DDX60: variants seen among roughly 807,000 people sequenced by gnomAD.
DDX60 encodes the protein DExD/H-box helicase 60, also known as probable ATP-dependent RNA helicase DDX60.
Under a neutral mutation model 212.8 loss-of-function variants are expected in DDX60, and 165 were observed. That is an observed-to-expected ratio of 0.78 (90% CI 0.68 to 0.88). The LOEUF is 0.88. Among genes scored for constraint, DDX60 ranks in the 40% least tolerant of loss-of-function variants. DDX60 has a pLI of 0.00. For synonymous variants in DDX60, 703 were observed against 685.3 expected, an observed-to-expected ratio of 1.03 and a Z score of -0.40; for missense variants, 1,905 against 2,003.9, an observed-to-expected ratio of 0.95 and a Z score of 0.94.
chr4:168,295,744 G>A (rs1170952223), intron 6 of DDX60, among the ~76,000 whole-genome samples: 3 of 152,272 alleles, frequency 2.0e-5, no homozygotes, highest in South Asian at 2.1e-4. Context: ...CAATCAAGAC[G>A]TGGATCAACC....
At position 168,317,057 on chromosome 4, in the gene DDX60, C is replaced by CAAAAA. The variant is rs34647800; in HGVS notation, c.-107+1560_-107+1564dup. On this transcript the variant is annotated intron_variant, in intron 1 of 37. Coordinates refer to ENST00000393743, the MANE Select transcript of DDX60 (RefSeq NM_017631.6). ...TGGGCAAAAGAGCAAGACTCCGTCTCAAAAAAAAAAAAAAAAAAAGAAGAA... is the reference window on the plus strand; with the variant it reads ...TGGGCAAAAGAGCAAGACTCCGTCTCAAAAAAAAAAAAAAAAAAAAAAAAGAAGAA... 8.7e-3 allele frequency among the ~76,000 whole-genome samples: 435 copies of CAAAAA among 49,746 alleles called. 13 individuals are homozygous for CAAAAA. Among genetic ancestry groups the CAAAAA allele is most frequent in the African/African-American group, 0.04 (412 of 10,420 alleles). The allele number at this position is 49,746 out of a possible 152,430, so 32.6% of individuals were successfully genotyped here.
rs199717064 is a variant in DDX60 at position 168,306,660 on chromosome 4, G to T, written c.325C>A (p.Leu109Ile). The T allele has an allele frequency of 1.3e-4, 202 of 1,614,078 alleles. No individual in the cohort carries two copies. The highest frequency in any genetic ancestry group is 1.6e-4 in the Middle Eastern group (1 of 6,062). The change falls in exon 5 of 38, where the codon CTT becomes ATT. Residue 109 changes from leucine (L) to isoleucine (I), a missense_variant. Leu to Ile is a conservative substitution (Grantham distance 5). Coordinates refer to ENST00000393743, the MANE Select transcript of DDX60 (RefSeq NM_017631.6). ...ELLSLRTALI[L>I]HLQKNTTIDV... ...ATGGTGGTATTCTTCTGAAGATGAA[G>T]AATTAAAGCAGTTCTCAAAGAAAGA... is the stretch of plus-strand genomic sequence containing the variant.
chr4:168,295,673 C>A (rs1008062407), intron 6 of DDX60, among the ~76,000 whole-genome samples: 33 of 152,146 alleles, frequency 2.2e-4, no homozygotes, highest in African/African-American at 8.0e-4. Flanking sequence ...TGAAGTTTTT[C>A]TTTTAACAGT....
intron 28 of DDX60, among the ~76,000 whole-genome samples, chr4:168,249,148 C>G (rs1036532485): frequency 6.6e-6 from 1 of 152,098 alleles, no homozygotes; most frequent in Admixed American, 6.5e-5. Context: ...GGACAATTAC[C>G]TATTTTGTCT....
At chr4:168,237,175 T>C (rs985086953) in intron 32 of DDX60, 111 bp downstream of exon 32, 5 of 692,704 alleles carry the variant, frequency 7.2e-6, no homozygotes, top group Non-Finnish European at 1.0e-5. Flanking sequence ...ATTATCTACA[T>C]ATTAATTGTA....
At position 168,291,929 on chromosome 4, in the gene DDX60, A is replaced by G. The variant is rs1245889678; in HGVS notation, c.883-23T>C. On this transcript the variant is annotated intron_variant, in intron 7 of 37. Coordinates refer to ENST00000393743, the MANE Select transcript of DDX60 (RefSeq NM_017631.6). ...CACCTGAATAAAATAAAGAAGGTAT[A>G]AGCCAGAGAACAGCAGGGTGTGACA... 3.2e-6 allele frequency: 5 copies of G among 1,582,884 alleles called. No individual in the cohort carries two copies. In the Admixed American group the frequency reaches 9.0e-5, roughly 28 times the overall value.
chr4:168,250,523 G>T (rs1298577825), intron 28 of DDX60, among the ~76,000 whole-genome samples: 1 of 147,008 alleles, frequency 6.8e-6, no homozygotes, highest in Non-Finnish European at 1.5e-5. Context: ...AGGATATCAT[G>T]ACTTTTTTTT....
intron 37 of DDX60, among the ~76,000 whole-genome samples, chr4:168,217,711 T>C (rs1317548401): frequency 6.6e-6 from 1 of 151,648 alleles, no homozygotes; most frequent in Non-Finnish European, 1.5e-5. Flanking sequence ...CAGGAGAGAG[T>C]CAGAATGATG....
At chr4:168,274,544 T>C (rs1160770043) in intron 16 of DDX60, among the ~76,000 whole-genome samples, 1 of 152,156 alleles carries the variant, frequency 6.6e-6, no homozygotes, top group Non-Finnish European at 1.5e-5. Context: ...CGAAGAATGA[T>C]AATAAGTCTA....
intron 37 of DDX60, among the ~76,000 whole-genome samples, chr4:168,217,282 C>A (rs1732881989): frequency 6.6e-6 from 1 of 152,164 alleles, no homozygotes; most frequent in Non-Finnish European, 1.5e-5. Flanking sequence ...GAAAAGCCAT[C>A]AAATTCCACA....
At position 168,248,278 on chromosome 4, in the gene DDX60, A is replaced by C. The variant is rs764728452; in HGVS notation, c.3873T>G (p.Thr1291=). The change falls in exon 29 of 38, where the codon ACT becomes ACG. Residue 1291 remains threonine (T), a synonymous_variant. Transcript: ENST00000393743. ...RKGYLRVVTA[T]GTLALGVNMP... is the part of the protein sequence containing the mutation. ...TGTTGACACCTAAAGCAAGTGTTCC[A>C]GTAGCTGTCACCACCTTGAAAGAGA... 3 of 1,603,444 alleles carry C rather than the reference A, an allele frequency of 1.9e-6. No homozygotes were observed. The Admixed American group carries it at 5.2e-5, about 28-fold the overall frequency.
chr4:168,323,562 T>C (rs1418504142), upstream of DDX60, among the ~76,000 whole-genome samples: 5 of 152,204 alleles, frequency 3.3e-5, no homozygotes, highest in African/African-American at 4.8e-5. Flanking sequence ...CACTGTTATA[T>C]ATTCTGAGAA....
intron 14 of DDX60, among the ~76,000 whole-genome samples, chr4:168,277,987 A>G (rs1016706442): frequency 2.6e-5 from 4 of 152,058 alleles, no homozygotes; most frequent in Non-Finnish European, 4.4e-5. Flanking sequence ...CCACCTTCCC[A>G]TTAGTTACTT....
At chr4:168,275,271 C>A in intron 16 of DDX60, 74 bp downstream of exon 16, 1 of 1,314,604 alleles carries the variant, frequency 7.6e-7, no homozygotes. Context: ...CATGTACAGC[C>A]ACAATAATGA....
Position 168,302,311 on chromosome 4 carries a change from T to C in DDX60, c.712A>G (p.Ile238Val). ...AAATGTTTTGTTACCTCTTCCGTAATATTATTCCATTTTAAACTTCCAAAA... is the reference window on the plus strand; with the variant it reads ...AAATGTTTTGTTACCTCTTCCGTAACATTATTCCATTTTAAACTTCCAAAA... Reference protein sequence around the residue: ...PLFGSLKWNNITEEAHKTVSL... With the variant: ...PLFGSLKWNNVTEEAHKTVSL... The change falls in exon 6 of 38, where the codon ATT becomes GTT. Residue 238 changes from isoleucine to valine, a missense_variant. Transcript: ENST00000393743. The C allele has an allele frequency of 6.6e-7, 1 of 1,518,944 alleles. No homozygotes were observed. Among genetic ancestry groups the C allele is most frequent in the South Asian group, 1.2e-5 (1 of 81,116 alleles). 94.1% of individuals were successfully genotyped at this position (1,518,944 alleles called of 1,614,324 possible).
At chr4:168,273,236 G>A (rs1735178880) in intron 18 of DDX60, 43 bp downstream of exon 18, 1 of 1,584,882 alleles carries the variant, frequency 6.3e-7, no homozygotes. Flanking sequence ...TACAAGTACA[G>A]TTATATAATT....
At position 168,260,912 on chromosome 4, in the gene DDX60, T is replaced by A. The variant is rs754430046; in HGVS notation, c.3351A>T (p.Leu1117=). 6.2e-6 allele frequency: 10 copies of A among 1,610,642 alleles called. No homozygotes were observed. The South Asian group carries it at 9.9e-5, about 16-fold the overall frequency. Residue 1117 remains leucine (L), a synonymous_variant, in exon 25 of 38, where the codon CTA becomes CTT. Coordinates refer to ENST00000393743, the MANE Select transcript of DDX60 (RefSeq NM_017631.6). ...TCTCCATTTTCCTTAGTTTTTCAAC[T>A]AGAAGTGGAAACATGGTGATCATGT... The part of the protein sequence containing the change: ...PENMITMFPL[L]VEKLRKMEKL...
In DDX60 at chr4:168,224,246, G is replaced by A. The variant is rs1297221535; in HGVS notation, c.4821C>T (p.Asn1607=). The change falls in exon 35 of 38, where the codon AAC becomes AAT. Residue 1607 remains asparagine, a synonymous_variant. Transcript: ENST00000393743. Reference sequence around the variant, plus strand: ...ATAAACCCCACTCTTCACTTACATGGTTTGGAGTTTCTAGTCGAAGCAAAT... The same window carrying A: ...ATAAACCCCACTCTTCACTTACATGATTTGGAGTTTCTAGTCGAAGCAAAT... ...DDDLLRLETP[N]HVTLGTIGVN... is the part of the protein sequence containing the mutation. 1.2e-6 allele frequency: 2 copies of A among 1,611,852 alleles called. No individual in the cohort carries two copies. The highest frequency in any genetic ancestry group is 8.5e-7 in the Non-Finnish European group (1 of 1,178,720).
In DDX60 at chr4:168,268,766, G is replaced by A. The variant is rs566554929; in HGVS notation, c.2786+88C>T. 2.4e-5 allele frequency: 17 copies of A among 710,742 alleles called. No individual in the cohort carries two copies. The South Asian group carries it at 5.0e-4, about 21-fold the overall frequency. The allele number at this position is 710,742 out of a possible 1,614,324, so 44.0% of individuals were successfully genotyped here. On this transcript the variant is annotated intron_variant, in intron 20 of 37. Transcript: ENST00000393743. ...ACTATTAAATTCACTAGAAAATTAT[G>A]AAACTCCTCAGAATCCACAGAGAAA...
Sources: gnomAD v4.1 joint callset for allele counts (sites outside exome capture counted in the v4.1 genomes callset) on GRCh38, gnomAD v4.1.1 for gene constraint, MANE v1.5 for transcripts, NCBI Gene and HGNC (gene_info 2026-07-23, HGNC 2026-07-21) for gene names.